Variants in KIF26B observed in about 807,000 individuals in gnomAD.
The protein encoded by KIF26B is kinesin-like protein KIF26B.
Under a neutral mutation model 151.2 loss-of-function variants are expected in KIF26B, and 63 were observed. That is an observed-to-expected ratio of 0.42 (90% CI 0.34 to 0.51). KIF26B has a LOEUF of 0.51. Ranked by LOEUF, KIF26B falls within the 20% of genes least tolerant of loss-of-function variation. KIF26B has a pLI of 0.07. For missense variants in KIF26B, 2,813 were observed against 2,913.6 expected, an observed-to-expected ratio of 0.97 and a Z score of 0.79; for synonymous variants, 1,357 against 1,262.1, an observed-to-expected ratio of 1.08 and a Z score of -1.59.
At position 245,352,836 on chromosome 1, in the gene KIF26B, CGTGT is replaced by C. The variant is rs112283221; in HGVS notation, c.466-13980_466-13977del. 0.054 allele frequency among the ~76,000 whole-genome samples: 8,008 copies of C among 148,752 alleles called. 306 individuals are homozygous for C. The highest frequency in any genetic ancestry group is 0.11 in the African/African-American group (4,465 of 40,718). ...TGGTTTCTTCCTAAAGAGATGTACACGTGTGTGTGTGTGTGTGTGTGGTGGGCGT... is the reference window on the plus strand; with the variant it reads ...TGGTTTCTTCCTAAAGAGATGTACACGTGTGTGTGTGTGTGTGGTGGGCGT... On this transcript the variant is annotated intron_variant, in intron 2 of 14. Coordinates refer to ENST00000407071, the MANE Select transcript of KIF26B (RefSeq NM_018012.4). This position sits in a 1 kb window ranked among gnomAD's most constrained non-coding sequence, Gnocchi z 5.0.
At chr1:245,653,152 G>C (rs918739950) in intron 10 of KIF26B, among the ~76,000 whole-genome samples, 1 of 152,172 alleles carries the variant, frequency 6.6e-6, no homozygotes, top group Non-Finnish European at 1.5e-5. Context: ...CTGCAGGGGA[G>C]GGACAGGCAG....
intron 2 of KIF26B, among the ~76,000 whole-genome samples, chr1:245,180,171 G>A (rs1668879529): frequency 1.3e-5 from 2 of 152,214 alleles, no homozygotes; most frequent in African/African-American, 4.8e-5. Context: ...GGCTTCACTG[G>A]AACTTTCGTC....
intron 9 of KIF26B, among the ~76,000 whole-genome samples, chr1:245,639,412 A>T (rs936469752): frequency 1.2e-4 from 18 of 151,902 alleles, no homozygotes; most frequent in African/African-American, 4.1e-4. Context: ...TTTCAAAAAA[A>T]CAAACTTTTT....
chr1:245,218,529 G>A lies in KIF26B; in HGVS notation c.465+61846G>A, dbSNP rs1006071212. On this transcript the variant is annotated intron_variant, in intron 2 of 14. Transcript: ENST00000407071. This position sits in a 1 kb window ranked among gnomAD's most constrained non-coding sequence, Gnocchi z 4.1. ...GCCGATGGTTTTCACTCAATCCGCC[G>A]GGAGATCTGAATATCAACTCTCTAT... Among the ~76,000 whole-genome samples the A allele has an allele frequency of 1.4e-4, 22 of 152,140 alleles. No individual in the cohort carries two copies. Among genetic ancestry groups the A allele is most frequent in the African/African-American group, 4.6e-4 (19 of 41,422 alleles).
chr1:245,448,422 C>T (rs571923951), intron 4 of KIF26B, among the ~76,000 whole-genome samples: 1 of 152,294 alleles, frequency 6.6e-6, no homozygotes, highest in South Asian at 2.1e-4. Flanking sequence ...GTTGGCCAGG[C>T]TGGTCTCAAA....
intron 4 of KIF26B, among the ~76,000 whole-genome samples, chr1:245,522,098 TG>T (rs1291832913): frequency 2.0e-5 from 3 of 152,168 alleles, no homozygotes; most frequent in Non-Finnish European, 2.9e-5. Context: ...CTCGATCTCC[TG>T]ACCTCATGAT....
chr1:245,579,574 C>T (rs150352922), intron 5 of KIF26B, among the ~76,000 whole-genome samples: 2,993 of 152,286 alleles, frequency 0.02, 114 homozygotes, highest in African/African-American at 0.068. Context: ...CTTTGGGAGG[C>T]TGAGGCGGGT....
intron 14 of KIF26B, among the ~76,000 whole-genome samples, chr1:245,701,192 T>C (rs569774666): frequency 6.6e-6 from 1 of 152,224 alleles, no homozygotes; most frequent in Admixed American, 6.5e-5. Context: ...GAAAGCTACA[T>C]GAAAGGGGAA....
intron 4 of KIF26B, among the ~76,000 whole-genome samples, chr1:245,539,615 G>A (rs1395670737): frequency 6.6e-6 from 1 of 151,798 alleles, no homozygotes; most frequent in Non-Finnish European, 1.5e-5. Flanking sequence ...CCCTTCCCCT[G>A]TTTTCTTCTT....
At chr1:245,591,129 C>T (rs1048585534) in intron 5 of KIF26B, among the ~76,000 whole-genome samples, 2 of 150,928 alleles carry the variant, frequency 1.3e-5, no homozygotes, top group Admixed American at 6.6e-5. Context: ...TTATTGAGGA[C>T]GTACTTTGTT....
At chr1:245,676,264 A>C (rs1222212531) in intron 10 of KIF26B, 2 of 152,240 alleles carry the variant, frequency 1.3e-5, no homozygotes, top group Non-Finnish European at 2.9e-5. Context: ...AAGAATGAGA[A>C]TATCTGGAGT....
At chr1:245,208,469 C>G (rs935575858) in intron 2 of KIF26B, among the ~76,000 whole-genome samples, 13 of 152,124 alleles carry the variant, frequency 8.5e-5, no homozygotes, top group African/African-American at 2.7e-4. Flanking sequence ...ATTGAGTTAG[C>G]CTCATCCACA....
At chr1:245,289,457 T>C (rs541654779) in intron 2 of KIF26B, among the ~76,000 whole-genome samples, 1 of 152,150 alleles carries the variant, frequency 6.6e-6, no homozygotes, top group Non-Finnish European at 1.5e-5. Context: ...TAGCAGAAAA[T>C]GAGAAGGAAC....
chr1:245,450,287 T>C (rs1019439526), intron 4 of KIF26B, among the ~76,000 whole-genome samples: 2 of 152,208 alleles, frequency 1.3e-5, no homozygotes, highest in Non-Finnish European at 2.9e-5. Context: ...TCCGAATCAC[T>C]GGATTCACAG....
intron 2 of KIF26B, among the ~76,000 whole-genome samples, chr1:245,296,494 A>C (rs1224152798): frequency 6.6e-6 from 1 of 152,138 alleles, no homozygotes; most frequent in African/African-American, 2.4e-5. Flanking sequence ...CAGCTGCTGG[A>C]AGTGGGTTTG....
rs572720084 is a variant in KIF26B, at chr1:245,358,068, C to T, written c.466-8766C>T. On this transcript the variant is annotated intron_variant, in intron 2 of 14. Transcript: ENST00000407071. This position sits in a 1 kb window ranked among gnomAD's most constrained non-coding sequence, Gnocchi z 4.1. ...AGTAGCTGGGACTAAAGGCATGCAC[C>T]ACCGCACCTGGCTAATTTTTGTATT... Among the ~76,000 whole-genome samples the T allele has an allele frequency of 6.6e-6, 1 of 152,076 alleles. No individual in the cohort carries two copies. Among genetic ancestry groups the T allele is most frequent in the African/African-American group, 2.4e-5 (1 of 41,408 alleles).
chr1:245,676,318 G>A (rs1399960460), intron 10 of KIF26B: 2 of 152,208 alleles, frequency 1.3e-5, no homozygotes, highest in Non-Finnish European at 2.9e-5. Context: ...CTGCGATGAT[G>A]TTCATTGTTC....
intron 2 of KIF26B, among the ~76,000 whole-genome samples, chr1:245,165,563 G>A (rs955921614): frequency 6.6e-6 from 1 of 152,150 alleles, no homozygotes; most frequent in South Asian, 2.1e-4. Context: ...ATCCACAGAC[G>A]GCATGAGCTC....
chr1:245,682,262 A>G (rs1572199857), intron 10 of KIF26B, among the ~76,000 whole-genome samples: 2 of 152,362 alleles, frequency 1.3e-5, no homozygotes, highest in African/African-American at 2.4e-5. Flanking sequence ...AAAGAAAGAA[A>G]AAAAAAGTCA....
Sources: gnomAD v4.1 joint callset for allele counts (sites outside exome capture counted in the v4.1 genomes callset) on GRCh38, gnomAD v4.1.1 for gene constraint, Gnocchi (gnomAD v3.1) non-coding constraint, MANE v1.5 for transcripts, NCBI Gene and HGNC (gene_info 2026-07-23, HGNC 2026-07-21) for gene names.